Variants in TDRD9 observed in about 807,000 individuals in gnomAD.
TDRD9 encodes the protein ATP-dependent RNA helicase TDRD9.
A neutral mutation model predicts 172.6 loss-of-function variants in TDRD9; 124 were observed. That is an observed-to-expected ratio of 0.72 (90% CI 0.62 to 0.83). TDRD9 has a LOEUF of 0.83. Ranked by LOEUF, TDRD9 falls within the 40% of genes least tolerant of loss-of-function variation. The pLI, the probability that TDRD9 is intolerant of heterozygous loss-of-function variation, is 0.00. For missense variants in TDRD9, 1,479 were observed against 1,714.1 expected (o/e 0.86, Z 2.42); for synonymous variants, 619 against 617.1 (o/e 1.00, Z -0.05).
intron 1 of TDRD9, among the ~76,000 whole-genome samples, chr14:103,929,179 C>G (rs1301758627): frequency 6.6e-6 from 1 of 152,034 alleles, no homozygotes; most frequent in Admixed American, 6.5e-5. Context: ...TGGGTTTGGA[C>G]AAACGCCTAA....
intron 6 of TDRD9, among the ~76,000 whole-genome samples, chr14:103,971,029 G>T (rs139073052): frequency 2.0e-5 from 3 of 151,930 alleles, no homozygotes; most frequent in Non-Finnish European, 4.4e-5. Context: ...TGTCGCCCAG[G>T]CTGGAGTGCA....
chr14:103,974,409 T>G (rs2033154462), intron 6 of TDRD9, among the ~76,000 whole-genome samples: 2 of 152,178 alleles, frequency 1.3e-5, no homozygotes, highest in Admixed American at 6.5e-5. Context: ...CATTCATGGC[T>G]GAGTTTCTTA....
At chr14:103,940,760 T>C in intron 1 of TDRD9, 1 of 1,266,172 alleles carries the variant, frequency 7.9e-7, no homozygotes, top group Non-Finnish European at 1.1e-6. Flanking sequence ...TTCTTAATAT[T>C]AGGAGTTCTA....
chr14:104,006,771 T>G lies in TDRD9; in HGVS notation c.1944-11T>G. On this transcript the variant is annotated splice_polypyrimidine_tract_variant and intron_variant, in intron 17 of 35. Coordinates refer to ENST00000409874, the MANE Select transcript of TDRD9 (RefSeq NM_153046.3). ...TTAATGGTATTGAATGACACTGTTA[T>G]CTGTTTATAGGAACAAAGTGAATTT... 6.2e-7 allele frequency: 1 copy of G among 1,613,610 alleles called. No homozygotes were observed. The highest frequency in any genetic ancestry group is 8.5e-7 in the Non-Finnish European group (1 of 1,179,626).
intron 23 of TDRD9, among the ~76,000 whole-genome samples, chr14:104,020,396 G>T (rs930055977): frequency 2.6e-5 from 4 of 152,270 alleles, no homozygotes; most frequent in East Asian, 1.9e-4. Flanking sequence ...GATTGCATGT[G>T]GGGGGCAAAG....
intron 23 of TDRD9, among the ~76,000 whole-genome samples, chr14:104,019,815 C>T (rs1251702274): frequency 6.6e-6 from 1 of 152,148 alleles, no homozygotes; most frequent in African/African-American, 2.4e-5. Flanking sequence ...CAGACATTTG[C>T]CTGCTGTGAG....
chr14:103,971,962 G>A (rs2033052815), intron 6 of TDRD9, among the ~76,000 whole-genome samples: 1 of 152,072 alleles, frequency 6.6e-6, no homozygotes, highest in Non-Finnish European at 1.5e-5. Flanking sequence ...ATCAAGACCA[G>A]CCTGGGCAAC....
At chr14:103,941,119 T>G in intron 1 of TDRD9, 1 of 1,522,612 alleles carries the variant, frequency 6.6e-7, no homozygotes, top group Non-Finnish European at 8.8e-7. Context: ...GGGGAAATGG[T>G]AATGAATATT....
intron 9 of TDRD9, among the ~76,000 whole-genome samples, chr14:103,991,494 C>G (rs1191704768): frequency 1.3e-5 from 2 of 151,944 alleles, no homozygotes; most frequent in Non-Finnish European, 2.9e-5. Context: ...CTCACTGCAA[C>G]CTCTGCCTCC....
At chr14:103,938,414 GTATA>G (rs1231280146) in intron 1 of TDRD9, among the ~76,000 whole-genome samples, 11 of 97,484 alleles carry the variant, frequency 1.1e-4, no homozygotes, top group African/African-American at 5.1e-4. Context: ...GTGTGTGTGT[GTATA>G]TATATATATA....
At chr14:103,936,893 ACTAGC>A (rs1457531115) in intron 1 of TDRD9, among the ~76,000 whole-genome samples, 2 of 152,142 alleles carry the variant, frequency 1.3e-5, no homozygotes, top group Admixed American at 1.3e-4. Context: ...GGAATTCGAG[ACTAGC>A]CTGGGCAACA....
chr14:104,004,488 G>C (rs544488326), intron 14 of TDRD9, among the ~76,000 whole-genome samples, 153 bp downstream of exon 14: 13 of 151,948 alleles, frequency 8.6e-5, no homozygotes, highest in African/African-American at 3.1e-4. Flanking sequence ...ACGCGATTCT[G>C]CTGCCTCAGC....
At chr14:103,952,231 T>A (rs1176701915) in intron 1 of TDRD9, among the ~76,000 whole-genome samples, 4 of 31,092 alleles carry the variant, frequency 1.3e-4, no homozygotes, top group South Asian at 1.3e-3. Context: ...TTTTTTTTTT[T>A]TTTTTTTTTT....
rs545842741 is a variant in TDRD9 at position 103,954,295 on chromosome 14, T to C, written c.216-1369T>C. On this transcript the variant is annotated intron_variant, in intron 1 of 35. Coordinates refer to ENST00000409874, the MANE Select transcript of TDRD9 (RefSeq NM_153046.3). ...AATTATTACAAATATTATGAAAATA[T>C]ACCCTTCCTCCCTGGAATCCTTAAT... Among the ~76,000 whole-genome samples, 112 of 152,332 alleles carry C rather than the reference T, an allele frequency of 7.4e-4. 2 individuals are homozygous for C. The South Asian group carries it at 0.013, about 18-fold the overall frequency.
chr14:104,023,604 G>C (rs1336170780), intron 24 of TDRD9, among the ~76,000 whole-genome samples: 1 of 152,256 alleles, frequency 6.6e-6, no homozygotes, highest in Non-Finnish European at 1.5e-5. Context: ...ACCAAACTGA[G>C]TCACCCATGG....
chr14:104,026,601 T>A lies in TDRD9; in HGVS notation c.3022-78T>A, dbSNP rs954320346. 1.1e-4 allele frequency: 159 copies of A among 1,500,492 alleles called. No individual in the cohort carries two copies. The African/African-American group carries it at 2.1e-3, about 20-fold the overall frequency. 92.9% of individuals were successfully genotyped at this position (1,500,492 alleles called of 1,614,324 possible). ...TATTATTGAAGGTACATGAACAAGGTCTGTTTTCAGTGGTATTTGGGATGA... is the reference window on the plus strand; with the variant it reads ...TATTATTGAAGGTACATGAACAAGGACTGTTTTCAGTGGTATTTGGGATGA... On this transcript the variant is annotated intron_variant, in intron 27 of 35. Coordinates refer to ENST00000409874, the MANE Select transcript of TDRD9 (RefSeq NM_153046.3).
intron 18 of TDRD9, 53 bp downstream of exon 18, chr14:104,006,898 C>T: frequency 6.2e-6 from 9 of 1,443,456 alleles, no homozygotes; most frequent in Non-Finnish European, 6.7e-6. Context: ...ATTGTTAGTA[C>T]ATTTTCATAC....
Position 104,008,411 on chromosome 14 carries a change from AGG to A in TDRD9, c.2053-1_2053del. On this transcript the variant is annotated splice_acceptor_variant and coding_sequence_variant, in exon 20 of 36. Coordinates refer to ENST00000409874, the MANE Select transcript of TDRD9 (RefSeq NM_153046.3). LOFTEE classifies it high-confidence loss of function. ...GAGTATTCTGCTTTTATATATTTAA[AGG>A]ATGAACTTAATTGGGGACGGTTAAA... The A allele has an allele frequency of 6.7e-7, 1 of 1,498,106 alleles. No homozygotes were observed. The highest frequency in any genetic ancestry group is 2.3e-5 in the East Asian group (1 of 44,122). 92.8% of individuals were successfully genotyped at this position (1,498,106 alleles called of 1,614,324 possible).
intron 28 of TDRD9, among the ~76,000 whole-genome samples, chr14:104,028,049 G>A (rs182347566): frequency 6.6e-6 from 1 of 152,190 alleles, no homozygotes; most frequent in Non-Finnish European, 1.5e-5. Flanking sequence ...GTAGCTGAAT[G>A]GTATTTTATT....
Sources: allele counts gnomAD v4.1 joint callset (sites outside exome capture counted in the v4.1 genomes callset), GRCh38; gene constraint gnomAD v4.1.1; transcripts MANE v1.5; gene names NCBI Gene and HGNC (gene_info 2026-07-23, HGNC 2026-07-21).